Variants in RALYL observed in about 807,000 individuals in gnomAD.
RALYL encodes the protein RNA-binding Raly-like protein.
In RALYL, 29 loss-of-function variants were observed where a neutral mutation model predicts 35.1. The observed-to-expected ratio is 0.83, with a 90% CI of 0.61 to 1.13. The LOEUF is 1.13. RALYL is among the 50% of genes most tolerant of loss of function. The pLI, the probability that RALYL is intolerant of heterozygous loss-of-function variation, is 0.00. For synonymous variants in RALYL, 120 were observed against 127.6 expected, an observed-to-expected ratio of 0.94 and a Z score of 0.40; for missense variants, 359 against 360.4, an observed-to-expected ratio of 1.00 and a Z score of 0.03.
intron 4 of RALYL, among the ~76,000 whole-genome samples, chr8:84,818,198 A>G (rs1464254139): frequency 1.3e-5 from 2 of 152,196 alleles, no homozygotes; most frequent in Admixed American, 1.3e-4. Flanking sequence ...ACTTAGAGTG[A>G]TATAAAATAT....
intron 4 of RALYL, among the ~76,000 whole-genome samples, chr8:84,823,899 CCA>C (rs1829057289): frequency 6.6e-6 from 1 of 152,032 alleles, no homozygotes. Flanking sequence ...AAACCCACTG[CCA>C]ACATCATATT....
At chr8:84,678,064 T>C (rs1048098415) in intron 2 of RALYL, among the ~76,000 whole-genome samples, 6 of 152,194 alleles carry the variant, frequency 3.9e-5, no homozygotes, top group African/African-American at 1.2e-4. Context: ...TGAAAAAAAA[T>C]CCTTAGTTCT....
chr8:84,525,953 C>CTTTTTTTTTT (rs35794329), intron 1 of RALYL, among the ~76,000 whole-genome samples: 11 of 104,838 alleles, frequency 1.0e-4, no homozygotes, highest in African/African-American at 2.3e-4. Context: ...TTTCTTTTTT[C>CTTTTTTTTTT]TTTTTTTTTT....
chr8:84,782,031 G>GCACACA (rs35098202), intron 3 of RALYL, among the ~76,000 whole-genome samples: 4 of 148,550 alleles, frequency 2.7e-5, no homozygotes, highest in African/African-American at 7.4e-5. Context: ...GCACACGCGC[G>GCACACA]CACACACACA....
At chr8:84,704,015 T>C (rs13248309) in intron 2 of RALYL, among the ~76,000 whole-genome samples, 4,422 of 152,342 alleles carry the variant, frequency 0.029, 85 homozygotes, top group Non-Finnish European at 0.046. Context: ...AAATGACAAG[T>C]ATTTTAATTA....
intron 2 of RALYL, among the ~76,000 whole-genome samples, chr8:84,772,043 G>A (rs1815656376): frequency 6.6e-6 from 1 of 151,926 alleles, no homozygotes; most frequent in Non-Finnish European, 1.5e-5. Context: ...GTAGGTAGAT[G>A]TTCAATTTCA....
chr8:84,552,352 ATATATATTTTTTT>A (rs2060791605), intron 2 of RALYL, among the ~76,000 whole-genome samples: 1 of 66,850 alleles, frequency 1.5e-5, no homozygotes, highest in African/African-American at 7.1e-5. Context: ...ATATATATAT[ATATATATTTTTTT>A]TTTTTTTTTT....
chr8:84,691,863 A>T (rs1259218767), intron 2 of RALYL, among the ~76,000 whole-genome samples: 1 of 152,112 alleles, frequency 6.6e-6, no homozygotes, highest in Non-Finnish European at 1.5e-5. Flanking sequence ...AAATATTAGC[A>T]AATCAAATGC....
At chr8:84,913,930 C>T (rs1847993735) in intron 8 of RALYL, among the ~76,000 whole-genome samples, 1 of 151,720 alleles carries the variant, frequency 6.6e-6, no homozygotes, top group African/African-American at 2.4e-5. Flanking sequence ...AAAATGAAGT[C>T]ATTTTATTAT....
At chr8:84,690,198 T>TA (rs570184000) in intron 2 of RALYL, among the ~76,000 whole-genome samples, 123 of 152,218 alleles carry the variant, frequency 8.1e-4, no homozygotes, top group African/African-American at 2.8e-3. Context: ...TATTGAGCCT[T>TA]AAAAAATGGA....
intron 4 of RALYL, among the ~76,000 whole-genome samples, chr8:84,848,805 T>A (rs961476379): frequency 6.6e-6 from 1 of 152,178 alleles, no homozygotes; most frequent in Admixed American, 6.6e-5. Flanking sequence ...GTTATGTATG[T>A]TTTGCCACAA....
At chr8:84,382,922 C>T (rs1399691211) in intron 1 of RALYL, among the ~76,000 whole-genome samples, 2 of 151,654 alleles carry the variant, frequency 1.3e-5, no homozygotes, top group African/African-American at 4.8e-5. Flanking sequence ...CAGAATTTTC[C>T]CACTGAGAGT....
intron 2 of RALYL, among the ~76,000 whole-genome samples, chr8:84,622,212 A>T (rs1356496918): frequency 6.6e-6 from 1 of 152,188 alleles, no homozygotes; most frequent in African/African-American, 2.4e-5. Flanking sequence ...CACAAAGAAA[A>T]AGGGGTCATA....
chr8:84,573,597 G>C (rs558997683), intron 2 of RALYL, among the ~76,000 whole-genome samples: 1 of 151,752 alleles, frequency 6.6e-6, no homozygotes, highest in Admixed American at 6.6e-5. Context: ...TTGTTTCATA[G>C]AATATGGAAT....
intron 2 of RALYL, among the ~76,000 whole-genome samples, chr8:84,666,202 T>A (rs140949707): frequency 0.015 from 2,309 of 152,222 alleles, 29 homozygotes; most frequent in Middle Eastern, 0.054. Context: ...AACATATTTT[T>A]CATTGCTCTG....
intron 1 of RALYL, among the ~76,000 whole-genome samples, chr8:84,336,143 C>T (rs1847762541): frequency 2.0e-5 from 3 of 152,114 alleles, no homozygotes; most frequent in South Asian, 4.1e-4. Context: ...ACATGGATTA[C>T]AGGAGACTGT....
chr8:84,525,954 T>C (rs2058851673), intron 1 of RALYL, among the ~76,000 whole-genome samples: 1 of 33,662 alleles, frequency 3.0e-5, no homozygotes, highest in Non-Finnish European at 6.6e-5. Context: ...TTCTTTTTTC[T>C]TTTTTTTTTT....
intron 1 of RALYL, among the ~76,000 whole-genome samples, chr8:84,453,934 A>T (rs1192366217): frequency 2.0e-5 from 3 of 152,058 alleles, no homozygotes; most frequent in African/African-American, 7.2e-5. Flanking sequence ...TTTATACCAA[A>T]TCCAGATGTA....
intron 1 of RALYL, among the ~76,000 whole-genome samples, chr8:84,217,462 A>G (rs998107823): frequency 4.6e-5 from 7 of 152,122 alleles, no homozygotes; most frequent in Admixed American, 2.0e-4. Context: ...AGACTATCTT[A>G]AATAAAATAG....
Sources: gnomAD v4.1 joint callset for allele counts (sites outside exome capture counted in the v4.1 genomes callset) on GRCh38, gnomAD v4.1.1 for gene constraint, MANE v1.5 for transcripts, NCBI Gene and HGNC (gene_info 2026-07-23, HGNC 2026-07-21) for gene names.